The following PLA2R1 variants were observed in gnomAD, a reference collection of about 807,000 sequenced individuals.
The protein encoded by PLA2R1 is secretory phospholipase A2 receptor.
In PLA2R1, 158 loss-of-function variants were observed where a neutral mutation model predicts 195.9. The ratio of observed to expected loss-of-function variants is 0.81; its 90% CI spans 0.71 to 0.92. The LOEUF (loss-of-function observed/expected upper bound fraction) is 0.92. Among genes scored for constraint, PLA2R1 ranks in the 40% least tolerant of loss-of-function variants. The pLI is 0.00. For synonymous variants in PLA2R1, 586 were observed against 598.2 expected (o/e 0.98, Z 0.30); for missense variants, 1,626 against 1,764.6 (o/e 0.92, Z 1.41).
At chr2:159,943,803 CTTTTTTTT>C (rs757413252) in intron 28 of PLA2R1, among the ~76,000 whole-genome samples, 213 of 140,108 alleles carry the variant, frequency 1.5e-3, no homozygotes, top group African/African-American at 5.3e-3. Context: ...CCATGTTTTT[CTTTTTTTT>C]TTTTTTTCTC....
intron 1 of PLA2R1, among the ~76,000 whole-genome samples, chr2:160,047,545 G>C (rs1694947403): frequency 6.6e-6 from 1 of 152,116 alleles, no homozygotes; most frequent in Admixed American, 6.5e-5. Context: ...ACAATCCTGA[G>C]ACACCACGCT....
At chr2:159,971,167 T>C (rs936179081) in intron 17 of PLA2R1, among the ~76,000 whole-genome samples, 1 of 152,172 alleles carries the variant, frequency 6.6e-6, no homozygotes, top group Non-Finnish European at 1.5e-5. Context: ...TACTTTTTAA[T>C]ATAAAATTAA....
chr2:159,978,728 CT>C (rs1387569351), intron 14 of PLA2R1, among the ~76,000 whole-genome samples: 2 of 152,110 alleles, frequency 1.3e-5, no homozygotes, highest in Non-Finnish European at 2.9e-5. Flanking sequence ...GCCTTGGTTT[CT>C]TTATCAGAAA....
At chr2:159,955,388 G>A in intron 22 of PLA2R1, 42 bp from the exon 23 acceptor site, 2 of 1,272,162 alleles carry the variant, frequency 1.6e-6, no homozygotes, top group Non-Finnish European at 2.2e-6. Flanking sequence ...ATAACATATA[G>A]CATTATTATA....
intron 20 of PLA2R1, among the ~76,000 whole-genome samples, chr2:159,965,958 G>A (rs1688760927): frequency 6.6e-6 from 1 of 152,118 alleles, no homozygotes; most frequent in Non-Finnish European, 1.5e-5. Context: ...CAGACTCAGG[G>A]TCAGAAAACA....
chr2:160,025,222 C>T (rs1392181447), intron 6 of PLA2R1, among the ~76,000 whole-genome samples: 2 of 152,060 alleles, frequency 1.3e-5, no homozygotes, highest in Non-Finnish European at 2.9e-5. Flanking sequence ...ATAGATTGGG[C>T]ACAGTGGCTC....
downstream of PLA2R1, among the ~76,000 whole-genome samples, chr2:159,928,896 T>C (rs1194582307): frequency 6.6e-6 from 1 of 151,844 alleles, no homozygotes; most frequent in Non-Finnish European, 1.5e-5. Context: ...AAACATAAAG[T>C]GGGGAAAGGA....
At chr2:159,987,428 TAG>T (rs2105322268) in intron 11 of PLA2R1, 70 bp from the exon 12 acceptor site, 1 of 1,075,080 alleles carries the variant, frequency 9.3e-7, no homozygotes, top group East Asian at 2.6e-5. Context: ...GACTGCTCTT[TAG>T]AGTGTTGAAT....
At chr2:159,996,848 T>C (rs745760647) in intron 11 of PLA2R1, among the ~76,000 whole-genome samples, 6 of 152,156 alleles carry the variant, frequency 3.9e-5, no homozygotes, top group Non-Finnish European at 7.4e-5. Flanking sequence ...ATTTCTGTTA[T>C]GGTGTTTTTG....
Position 159,955,298 on chromosome 2 carries a change from C to T in PLA2R1, c.3202G>A (p.Ala1068Thr), listed in dbSNP as rs781443495. Residue 1068 changes from alanine (A) to threonine (T), a missense_variant, in exon 23 of 30, where the codon GCC (alanine) becomes ACC (threonine). Transcript: ENST00000283243. Reference sequence around the variant, plus strand: ...AAATTAGGATTACTTGAGAGTAAGGCACAGAGAGGAATGTGTTTCTGAACT... The same window carrying T: ...AAATTAGGATTACTTGAGAGTAAGGTACAGAGAGGAATGTGTTTCTGAACT... ...TEVQKHIPLCALLSSNPNFHF... is the reference protein window; with the variant it reads ...TEVQKHIPLCTLLSSNPNFHF... 1.7e-5 allele frequency: 28 copies of T among 1,604,276 alleles called. No homozygotes were observed. The highest frequency in any genetic ancestry group is 1.7e-4 in the Middle Eastern group (1 of 6,054).
chr2:160,001,668 T>C (rs1209087307), intron 11 of PLA2R1, among the ~76,000 whole-genome samples: 2 of 151,962 alleles, frequency 1.3e-5, no homozygotes, highest in Non-Finnish European at 2.9e-5. Flanking sequence ...GCTACATTCA[T>C]GGACAAATTA....
Position 160,016,700 on chromosome 2 carries a change from T to C in PLA2R1, c.1465A>G (p.Lys489Glu), listed in dbSNP as rs1294362147. ...AGTCTTTCTTCACAATTTTTGACTT[T>C]CCAGTGTCCCTCCTACGGAGAAAAA... Reference protein sequence around the residue: ...VSAEQSEGHWKVKNCEERLFY... With the variant: ...VSAEQSEGHWEVKNCEERLFY... The change falls in exon 9 of 30, where the codon AAA becomes GAA. Residue 489 changes from lysine to glutamate, a missense_variant. Physicochemically the swap from Lys to Glu is moderately conservative, Grantham distance 56. Coordinates refer to ENST00000283243, the MANE Select transcript of PLA2R1 (RefSeq NM_007366.5). 1 of 1,577,954 alleles carries C rather than the reference T, an allele frequency of 6.3e-7. No homozygotes were observed. Among genetic ancestry groups the C allele is most frequent in the South Asian group, 1.1e-5 (1 of 90,362 alleles).
At chr2:160,027,356 G>A (rs973882152) in intron 6 of PLA2R1, among the ~76,000 whole-genome samples, 2 of 151,430 alleles carry the variant, frequency 1.3e-5, no homozygotes, top group Non-Finnish European at 2.9e-5. Context: ...GGAAGAGAGG[G>A]AGGGAAAAGG....
intron 1 of PLA2R1, among the ~76,000 whole-genome samples, chr2:160,056,084 C>A (rs1465137203): frequency 6.6e-6 from 1 of 152,136 alleles, no homozygotes; most frequent in African/African-American, 2.4e-5. Flanking sequence ...AGCTTCCATA[C>A]AGATGACCCA....
chr2:160,044,821 A>T lies in PLA2R1; in HGVS notation c.446T>A (p.Ile149Asn), dbSNP rs969790964. ...GTCTCCACCACCTGACCCATAAGAAATCCACTTATGAATATACTTCCGTGA... is the reference window on the plus strand; with the variant it reads ...GTCTCCACCACCTGACCCATAAGAATTCCACTTATGAATATACTTCCGTGA... ...VASRKYIHKW[I>N]SYGSGGGDIC... The change falls in exon 2 of 30, where the codon ATT becomes AAT. Residue 149 changes from isoleucine to asparagine, a missense_variant. Physicochemically the swap from Ile to Asn is moderately radical, Grantham distance 149 (BLOSUM62 -3). Coordinates refer to ENST00000283243, the MANE Select transcript of PLA2R1 (RefSeq NM_007366.5). 4.3e-6 allele frequency: 7 copies of T among 1,612,732 alleles called. No homozygotes were observed. Among genetic ancestry groups the T allele is most frequent in the Non-Finnish European group, 2.5e-6 (3 of 1,178,828 alleles).
chr2:159,973,782 G>A (rs1689353260), intron 17 of PLA2R1, among the ~76,000 whole-genome samples: 1 of 152,066 alleles, frequency 6.6e-6, no homozygotes, highest in South Asian at 2.1e-4. Flanking sequence ...CAGCACAGTG[G>A]GGAGATTAGT....
intron 1 of PLA2R1, among the ~76,000 whole-genome samples, chr2:160,052,350 CCTCTGTCCTCCTG>C (rs1695263721): frequency 6.6e-6 from 1 of 152,224 alleles, no homozygotes; most frequent in South Asian, 2.1e-4. Flanking sequence ...CCCGTTCCCT[CCTCTGTCCTCCTG>C]CTCTGTCCTC....
chr2:159,937,724 G>C lies in PLA2R1; in HGVS notation c.*4054C>G, dbSNP rs77456134. The stretch of plus-strand genomic sequence containing the variant: ...TTCAAATGAAAGTAGCACTCCAGCT[G>C]TTCCACTGTATAATACATATTAATT... On this transcript the variant is annotated 3_prime_UTR_variant, in exon 30 of 30. Transcript: ENST00000283243. 1 of 152,218 alleles carries C rather than the reference G, an allele frequency of 6.6e-6. No homozygotes were observed. The allele number at this position is 152,218 out of a possible 1,614,324, so 9.4% of individuals were successfully genotyped here.
intron 11 of PLA2R1, among the ~76,000 whole-genome samples, chr2:160,000,446 C>T (rs1691515454): frequency 6.6e-6 from 1 of 152,180 alleles, no homozygotes; most frequent in South Asian, 2.1e-4. Context: ...GTGCCTCAAA[C>T]TGAGTGGTGG....
Sources: gnomAD v4.1 joint callset for allele counts (sites outside exome capture counted in the v4.1 genomes callset) on GRCh38, gnomAD v4.1.1 for gene constraint, MANE v1.5 for transcripts, NCBI Gene and HGNC (gene_info 2026-07-23, HGNC 2026-07-21) for gene names.